The following UBE2D4 variants were observed in gnomAD, a reference collection of about 807,000 sequenced individuals.
UBE2D4 encodes the protein ubiquitin-conjugating enzyme E2 D4.
UBE2D4 carries 17 observed loss-of-function variants against 23.0 expected under a neutral mutation model. That is an observed-to-expected ratio of 0.74 (90% CI 0.51 to 1.11). UBE2D4 has a LOEUF of 1.11. Among genes scored for constraint, UBE2D4 ranks in the 50% least tolerant of loss-of-function variants. UBE2D4 has a pLI of 0.00. For synonymous variants in UBE2D4, 61 were observed against 69.4 expected, an observed-to-expected ratio of 0.88 and a Z score of 0.60; for missense variants, 139 against 181.8, an observed-to-expected ratio of 0.76 and a Z score of 1.35.
Position 43,938,482 on chromosome 7 carries a change from G to C in UBE2D4, c.76G>C (p.Val26Leu), listed in dbSNP as rs2095963415. The C allele has an allele frequency of 6.2e-7, 1 of 1,614,126 alleles. No individual in the cohort carries two copies. The highest frequency in any genetic ancestry group is 2.2e-5 in the East Asian group (1 of 44,884). The change falls in exon 2 of 7, where the codon GTC becomes CTC. Residue 26 changes from valine to leucine, a missense_variant. Physicochemically the swap from Val to Leu is conservative, Grantham distance 32. Transcript: ENST00000222402. ...DPPAQCSAGP[V>L]GDDLFHWQAT... ...TCCTGCCCAGTGTTCTGCAGGACCTGTCGGTGATGACTGTAAGTATTTTGG... is the reference window on the plus strand; with the variant it reads ...TCCTGCCCAGTGTTCTGCAGGACCTCTCGGTGATGACTGTAAGTATTTTGG...
intron 4 of UBE2D4, chr7:43,945,003 T>A (rs1313376191): frequency 6.6e-6 from 1 of 152,164 alleles, no homozygotes; most frequent in African/African-American, 2.4e-5. Flanking sequence ...TTATTATTAT[T>A]ATTTTTGAGA....
Position 43,948,622 on chromosome 7 carries a change from G to A in UBE2D4, c.199-10G>A, listed in dbSNP as rs773667158. 4.5e-5 allele frequency: 72 copies of A among 1,583,150 alleles called. No individual in the cohort carries two copies. Among genetic ancestry groups the A allele is most frequent in the Non-Finnish European group, 5.7e-5 (66 of 1,154,308 alleles). On this transcript the variant is annotated splice_polypyrimidine_tract_variant and intron_variant, in intron 4 of 6. Coordinates refer to ENST00000222402, the MANE Select transcript of UBE2D4 (RefSeq NM_015983.4). ...TGGTTTGTCTGATTGGGGATCTCTT[G>A]TCTTTGCAGGTTGCTTTCACAACCA...
intron 2 of UBE2D4, among the ~76,000 whole-genome samples, chr7:43,940,040 AAG>A (rs2095967809): frequency 6.6e-6 from 1 of 152,234 alleles, no homozygotes; most frequent in Non-Finnish European, 1.5e-5. Context: ...CTACAATAAA[AAG>A]AAATTTCACA....
At chr7:43,938,103 G>C (rs569913995) in intron 1 of UBE2D4, among the ~76,000 whole-genome samples, 37 of 152,236 alleles carry the variant, frequency 2.4e-4, no homozygotes, top group African/African-American at 8.4e-4. Context: ...TCCTCTACCT[G>C]AGGAGGTAGG....
intron 1 of UBE2D4, among the ~76,000 whole-genome samples, chr7:43,933,022 A>ACACG (rs2095950090): frequency 6.9e-6 from 1 of 144,366 alleles, no homozygotes; most frequent in Non-Finnish European, 1.5e-5. Flanking sequence ...ATACACACAC[A>ACACG]TATATATACA....
At chr7:43,938,722 G>A (rs1449990289) in intron 2 of UBE2D4, among the ~76,000 whole-genome samples, 3 of 152,310 alleles carry the variant, frequency 2.0e-5, no homozygotes, top group Non-Finnish European at 4.4e-5. Flanking sequence ...TGTAATCCCA[G>A]CTACTTGGGA....
intron 4 of UBE2D4, among the ~76,000 whole-genome samples, chr7:43,946,927 C>T (rs537610111): frequency 1.1e-4 from 17 of 151,900 alleles, no homozygotes; most frequent in Middle Eastern, 3.4e-3. Flanking sequence ...ATGTGCACAA[C>T]GTGCAGGTTT....
At chr7:43,934,453 CT>C (rs36122809) in intron 1 of UBE2D4, among the ~76,000 whole-genome samples, 5,191 of 142,146 alleles carry the variant, frequency 0.037, 116 homozygotes, top group African/African-American at 0.06. Context: ...CTTGTTTTTC[CT>C]TTTTTTTTTT....
At position 43,948,701 on chromosome 7, in the gene UBE2D4, C is replaced by T. The variant is rs773882071; in HGVS notation, c.268C>T (p.Arg90Trp). Reference sequence around the variant, plus strand: ...TGGCAGCATCTGCCTTGATATCCTGCGGTCTCAGTGGTCTCCAGCGTTGAC... The same window carrying T: ...TGGCAGCATCTGCCTTGATATCCTGTGGTCTCAGTGGTCTCCAGCGTTGAC... ...SNGSICLDIL[R>W]SQWSPALTVS... Residue 90 changes from arginine (R) to tryptophan (W), a missense_variant, in exon 5 of 7, where the codon CGG becomes TGG. By Grantham distance (101) the Arg-to-Trp change is moderately radical. Coordinates refer to ENST00000222402, the MANE Select transcript of UBE2D4 (RefSeq NM_015983.4). 42 of 1,613,608 alleles carry T rather than the reference C, an allele frequency of 2.6e-5. No individual in the cohort carries two copies. Among genetic ancestry groups the T allele is most frequent in the Admixed American group, 3.3e-5 (2 of 59,998 alleles).
At chr7:43,932,091 C>G (rs2095947090) in intron 1 of UBE2D4, among the ~76,000 whole-genome samples, 1 of 152,060 alleles carries the variant, frequency 6.6e-6, no homozygotes, top group Non-Finnish European at 1.5e-5. Context: ...CAGGTTCACA[C>G]CATTCTCCAG....
intron 1 of UBE2D4, 36 bp downstream of exon 1, chr7:43,926,592 C>A (rs748651999): frequency 3.0e-5 from 46 of 1,551,888 alleles, no homozygotes; most frequent in Non-Finnish European, 3.8e-5. Flanking sequence ...CTTTGGGTGT[C>A]CGAAGCGTCG....
chr7:43,938,780 G>A (rs1211743034), intron 2 of UBE2D4, among the ~76,000 whole-genome samples: 1 of 152,218 alleles, frequency 6.6e-6, no homozygotes, highest in Non-Finnish European at 1.5e-5. Context: ...AGGTTGCAGT[G>A]AGCCAAGATC....
At chr7:43,928,119 A>G in intron 1 of UBE2D4, 1 of 436,912 alleles carries the variant, frequency 2.3e-6, no homozygotes. Flanking sequence ...CTGGTAAGAG[A>G]GGGAGCAAGA....
At chr7:43,942,889 G>A (rs1294035424) in intron 3 of UBE2D4, 32 bp downstream of exon 3, 1 of 1,614,084 alleles carries the variant, frequency 6.2e-7, no homozygotes, top group South Asian at 1.1e-5. Context: ...CACCACTCCA[G>A]TTTTGCTTCT....
intron 1 of UBE2D4, among the ~76,000 whole-genome samples, chr7:43,930,191 G>T (rs2095942384): frequency 6.6e-6 from 1 of 152,160 alleles, no homozygotes; most frequent in Non-Finnish European, 1.5e-5. Context: ...CCAATGAGTG[G>T]CAAGGAGTCT....
intron 4 of UBE2D4, among the ~76,000 whole-genome samples, chr7:43,948,126 C>G (rs926787433): frequency 1.3e-5 from 2 of 152,178 alleles, no homozygotes; most frequent in Non-Finnish European, 2.9e-5. Context: ...CAAAATTTTT[C>G]TCCCATTCTG....
At chr7:43,929,152 AG>A (rs1275792335) in intron 1 of UBE2D4, among the ~76,000 whole-genome samples, 4 of 152,198 alleles carry the variant, frequency 2.6e-5, no homozygotes, top group African/African-American at 9.6e-5. Flanking sequence ...TGGCCGGGTG[AG>A]GTGGCTCATG....
At chr7:43,948,578 C>A in intron 4 of UBE2D4, 54 bp from the exon 5 acceptor site, 3 of 1,212,060 alleles carry the variant, frequency 2.5e-6, no homozygotes, top group South Asian at 1.3e-5. Context: ...TTACTTGGTT[C>A]ATTTCCCACA....
At chr7:43,951,738 G>T (rs2096002930) in intron 6 of UBE2D4, among the ~76,000 whole-genome samples, 1 of 152,076 alleles carries the variant, frequency 6.6e-6, no homozygotes, top group African/African-American at 2.4e-5. Context: ...GCCCAGGCTG[G>T]TCTTAAACTC....
Sources: gnomAD v4.1 joint callset for allele counts (sites outside exome capture counted in the v4.1 genomes callset) on GRCh38, gnomAD v4.1.1 for gene constraint, MANE v1.5 for transcripts, NCBI Gene and HGNC (gene_info 2026-07-23, HGNC 2026-07-21) for gene names.